The following SWAP70 variants were observed in gnomAD, a reference collection of about 807,000 sequenced individuals.
The protein encoded by SWAP70 is switch-associated protein 70.
In SWAP70, 34 loss-of-function variants were observed where a neutral mutation model predicts 80.2. The ratio of observed to expected loss-of-function variants is 0.42; its 90% confidence interval spans 0.32 to 0.56. The LOEUF is 0.56. Ranked by LOEUF, SWAP70 falls within the 20% of genes least tolerant of loss-of-function variation. The pLI is 0.09. For missense variants in SWAP70, 578 were observed against 690.7 expected, an observed-to-expected ratio of 0.84 and a Z score of 1.83; for synonymous variants, 239 against 238.5, an observed-to-expected ratio of 1.00 and a Z score of -0.02.
At chr11:9,722,277 C>T (rs749518523) in intron 3 of SWAP70, among the ~76,000 whole-genome samples, 2 of 152,172 alleles carry the variant, frequency 1.3e-5, no homozygotes, top group African/African-American at 2.4e-5. Flanking sequence ...ATTAGTTGAG[C>T]TCTGAGGTAC....
At chr11:9,680,217 A>G (rs1850550186) in intron 1 of SWAP70, among the ~76,000 whole-genome samples, 1 of 152,174 alleles carries the variant, frequency 6.6e-6, no homozygotes, top group Admixed American at 6.5e-5. Context: ...AAATGACCAC[A>G]ATGACGCAAT....
intron 2 of SWAP70, among the ~76,000 whole-genome samples, chr11:9,703,940 G>A (rs1343817539): frequency 2.0e-5 from 3 of 152,114 alleles, no homozygotes; most frequent in Non-Finnish European, 4.4e-5. Context: ...TATGAGAAGA[G>A]CCTACCATTT....
intron 1 of SWAP70, among the ~76,000 whole-genome samples, chr11:9,685,286 A>G (rs1355358433): frequency 6.6e-6 from 1 of 152,118 alleles, no homozygotes; most frequent in Non-Finnish European, 1.5e-5. Flanking sequence ...TAGTTCTACA[A>G]TGATCTTTTC....
chr11:9,676,398 C>G (rs1263307494), intron 1 of SWAP70, among the ~76,000 whole-genome samples: 1 of 152,134 alleles, frequency 6.6e-6, no homozygotes, highest in African/African-American at 2.4e-5. Context: ...CAGTTTGTCC[C>G]TTGGTATCCT....
chr11:9,701,228 A>G (rs1245199485), intron 2 of SWAP70, among the ~76,000 whole-genome samples: 2 of 147,758 alleles, frequency 1.4e-5, no homozygotes, highest in African/African-American at 2.5e-5. Flanking sequence ...CTGGAGTGTG[A>G]TGGTGGAATC....
intron 9 of SWAP70, among the ~76,000 whole-genome samples, chr11:9,743,503 T>G (rs1851469856): frequency 2.6e-5 from 4 of 151,344 alleles, no homozygotes; most frequent in African/African-American, 9.8e-5. Context: ...TGAACTAGTT[T>G]ACAGTCCCAC....
chr11:9,671,786 T>TA (rs202131469), intron 1 of SWAP70, among the ~76,000 whole-genome samples: 69,159 of 76,702 alleles, frequency 0.9, 31,266 homozygotes, highest in Non-Finnish European at 0.96. Flanking sequence ...TAATATATTA[T>TA]TATTTATAAA....
intron 1 of SWAP70, among the ~76,000 whole-genome samples, chr11:9,665,980 A>G (rs1229762087): frequency 6.8e-6 from 1 of 146,498 alleles, no homozygotes; most frequent in African/African-American, 2.5e-5. Context: ...GTAATTATTG[A>G]TATGGTTTGA....
rs1851026799 is a variant in SWAP70, at chr11:9,713,544, C to A, written c.319C>A (p.Pro107Thr). 1 of 1,613,986 alleles carries A rather than the reference C, an allele frequency of 6.2e-7. No homozygotes were observed. The highest frequency in any genetic ancestry group is 8.5e-7 in the Non-Finnish European group (1 of 1,179,964). ...LCVKKNLTKN[P>T]LLITEEDAFK... The stretch of plus-strand genomic sequence containing the variant: ...TGTCAAAAAAAACCTCACAAAGAAT[C>A]CCCTGCTCATTACAGAAGAAGATGC... Residue 107 changes from proline to threonine, a missense_variant, in exon 3 of 12, where the codon CCC becomes ACC. Pro to Thr is a conservative substitution (Grantham distance 38). Coordinates refer to ENST00000318950, the MANE Select transcript of SWAP70 (RefSeq NM_015055.4).
intron 6 of SWAP70, among the ~76,000 whole-genome samples, chr11:9,731,606 CAGTACTTTATGTAT>C (rs1366321165): frequency 6.6e-6 from 1 of 152,092 alleles, no homozygotes; most frequent in Non-Finnish European, 1.5e-5. Flanking sequence ...GTGTGCCATG[CAGTACTTTATGTAT>C]AGTACTTTAT....
chr11:9,698,061 C>G (rs1850781394), intron 2 of SWAP70, among the ~76,000 whole-genome samples: 1 of 148,106 alleles, frequency 6.8e-6, no homozygotes, highest in African/African-American at 2.5e-5. Context: ...CCTGGGATTA[C>G]AGATGTGAGC....
chr11:9,745,825 A>G (rs1420175867), intron 9 of SWAP70, among the ~76,000 whole-genome samples: 1 of 152,228 alleles, frequency 6.6e-6, no homozygotes, highest in Non-Finnish European at 1.5e-5. Context: ...CTTGCGAACC[A>G]CAGAAACCAC....
intron 1 of SWAP70, among the ~76,000 whole-genome samples, chr11:9,676,455 T>A (rs146910574): frequency 2.7e-3 from 404 of 152,292 alleles, no homozygotes; most frequent in Middle Eastern, 0.014. Flanking sequence ...AATCGTAGGA[T>A]GCTCAAGACT....
intron 7 of SWAP70, 114 bp downstream of exon 7, chr11:9,732,824 T>C (rs1851317672): frequency 2.0e-6 from 2 of 1,009,492 alleles, no homozygotes; most frequent in African/African-American, 1.6e-5. Flanking sequence ...TTTAGGGAGA[T>C]ACTTGTGGTG....
At chr11:9,699,920 G>T (rs1343940441) in intron 2 of SWAP70, among the ~76,000 whole-genome samples, 1 of 150,460 alleles carries the variant, frequency 6.6e-6, no homozygotes, top group Non-Finnish European at 1.5e-5. Context: ...AAATAGAATT[G>T]TGTCTGTTAT....
intron 4 of SWAP70, among the ~76,000 whole-genome samples, chr11:9,725,569 A>ATTTTTTT (rs746391271): frequency 2.3e-4 from 6 of 26,612 alleles, no homozygotes; most frequent in African/African-American, 6.2e-4. Flanking sequence ...ATATATATAT[A>ATTTTTTT]TTTTTTTTTT....
At chr11:9,703,537 C>T (rs2134458225) in intron 2 of SWAP70, 1 of 455,586 alleles carries the variant, frequency 2.2e-6, no homozygotes, top group South Asian at 1.5e-5. Flanking sequence ...GGAGGTTTCT[C>T]CTGGTAGAAC....
chr11:9,696,508 A>G (rs570354157), intron 2 of SWAP70, among the ~76,000 whole-genome samples: 2 of 152,242 alleles, frequency 1.3e-5, no homozygotes, highest in East Asian at 3.9e-4. Flanking sequence ...ACACACATGC[A>G]CCCACACACA....
intron 1 of SWAP70, among the ~76,000 whole-genome samples, chr11:9,679,838 T>G (rs1333175226): frequency 4.6e-5 from 7 of 151,818 alleles, no homozygotes; most frequent in Non-Finnish European, 1.0e-4. Context: ...CTGGCAAATT[T>G]TTTTGTATTT....
Sources: allele counts gnomAD v4.1 joint callset (sites outside exome capture counted in the v4.1 genomes callset), GRCh38; gene constraint gnomAD v4.1.1; transcripts MANE v1.5; gene names NCBI Gene and HGNC (gene_info 2026-07-23, HGNC 2026-07-21).